The following BAZ2B variants were observed in gnomAD, a reference collection of about 807,000 sequenced individuals.
The protein encoded by BAZ2B is bromodomain adjacent to zinc finger domain protein 2B.
Under a neutral mutation model 246.0 loss-of-function variants are expected in BAZ2B, and 91 were observed. That is an observed-to-expected ratio of 0.37 (90% CI 0.31 to 0.44). The LOEUF is 0.44. Ranked by LOEUF, BAZ2B falls within the 20% of genes least tolerant of loss-of-function variation. The pLI is 1.00. For missense variants in BAZ2B, 2,332 were observed against 2,533.7 expected (o/e 0.92, Z 1.71); for synonymous variants, 855 against 860.0 (o/e 0.99, Z 0.10).
chr2:159,571,725 G>A (rs1410233403), intron 1 of BAZ2B, among the ~76,000 whole-genome samples: 1 of 152,150 alleles, frequency 6.6e-6, no homozygotes, highest in Non-Finnish European at 1.5e-5. Context: ...TGGAGGCTGG[G>A]AAGTCCAAGA....
intron 31 of BAZ2B, among the ~76,000 whole-genome samples, chr2:159,344,518 G>A (rs1431160339): frequency 7.4e-6 from 1 of 134,600 alleles, no homozygotes; most frequent in Admixed American, 8.2e-5. Context: ...CGGGCAACAA[G>A]AGTGAAACTC....
At chr2:159,384,706 G>A (rs185694072) in intron 23 of BAZ2B, among the ~76,000 whole-genome samples, 2 of 151,872 alleles carry the variant, frequency 1.3e-5, no homozygotes, top group East Asian at 3.9e-4. Context: ...AATACTCTAT[G>A]GTTCTATTAG....
At chr2:159,665,950 T>A in the BAZ2B span, among the ~76,000 whole-genome samples, 3 of 152,206 alleles carry the variant, frequency 2.0e-5, no homozygotes, top group Non-Finnish European at 4.4e-5. Context: ...TTAATTTGCA[T>A]TTCCCTGTTG....
At chr2:159,541,259 C>CTTATTATTATTATTA (rs56310950) in intron 2 of BAZ2B, among the ~76,000 whole-genome samples, 1 of 148,252 alleles carries the variant, frequency 6.7e-6, no homozygotes, top group Non-Finnish European at 1.5e-5. Flanking sequence ...AACAAAAGCC[C>CTTATTATTATTATTA]TTATTATTAT....
At chr2:159,324,019 A>T (rs1416727620) in intron 36 of BAZ2B, among the ~76,000 whole-genome samples, 1 of 152,206 alleles carries the variant, frequency 6.6e-6, no homozygotes, top group Middle Eastern at 3.2e-3. Flanking sequence ...TGGTCAATCT[A>T]GTAAATCAGT....
intron 2 of BAZ2B, among the ~76,000 whole-genome samples, chr2:159,536,536 A>G (rs1193022995): frequency 2.0e-5 from 3 of 152,232 alleles, no homozygotes; most frequent in Admixed American, 6.5e-5. Flanking sequence ...AGAGTGTTCA[A>G]TCCCTGTGTC....
intron 31 of BAZ2B, among the ~76,000 whole-genome samples, chr2:159,344,138 GA>G (rs1346496273): frequency 6.6e-6 from 1 of 151,952 alleles, no homozygotes; most frequent in Non-Finnish European, 1.5e-5. Context: ...CAGCCACTAT[GA>G]AGAACAGTAT....
chr2:159,587,118 G>A (rs1156481101), intron 1 of BAZ2B, among the ~76,000 whole-genome samples: 3 of 150,444 alleles, frequency 2.0e-5, no homozygotes, highest in African/African-American at 7.4e-5. Context: ...TGGCTCTGTA[G>A]CCCAGGCTGG....
chr2:159,626,001 CA>C, the BAZ2B span, among the ~76,000 whole-genome samples: 119 of 139,166 alleles, frequency 8.6e-4, no homozygotes, highest in East Asian at 1.1e-3. Flanking sequence ...AAATGGAAAG[CA>C]AAAAAAAAAA....
intron 2 of BAZ2B, among the ~76,000 whole-genome samples, chr2:159,518,235 G>A (rs1321559418): frequency 6.6e-6 from 1 of 152,164 alleles, no homozygotes; most frequent in Non-Finnish European, 1.5e-5. Flanking sequence ...CACTGAAGGT[G>A]GTTTTTATCA....
In BAZ2B at chr2:159,319,249, C is replaced by T. The variant is rs1056475478; in HGVS notation, c.*1016G>A. On this transcript the variant is annotated 3_prime_UTR_variant, in exon 37 of 37. Transcript: ENST00000392783. The surrounding 1 kb of genome is among the most constrained non-coding windows in gnomAD (Gnocchi z 4.0). ...TGTTTCTATGAAAAAATACTGTGTG[C>T]GTAGGAAATTGTCACAATTTTATTC... 7 of 152,510 alleles carry T rather than the reference C, an allele frequency of 4.6e-5. No individual in the cohort carries two copies. Among genetic ancestry groups the T allele is most frequent in the African/African-American group, 1.2e-4 (5 of 41,412 alleles). 9.4% of individuals were successfully genotyped at this position (152,510 alleles called of 1,614,324 possible). A position where few individuals can be genotyped will look rare whatever the true frequency, so the allele number is the denominator to read the frequency against.
intron 27 of BAZ2B, among the ~76,000 whole-genome samples, chr2:159,354,023 T>C (rs927393288): frequency 3.9e-5 from 6 of 152,248 alleles, no homozygotes; most frequent in African/African-American, 1.4e-4. Flanking sequence ...AAACAAGACA[T>C]ATACTTTTAC....
chr2:159,678,495 A>G, the BAZ2B span, among the ~76,000 whole-genome samples: 1 of 152,176 alleles, frequency 6.6e-6, no homozygotes, highest in Non-Finnish European at 1.5e-5. Flanking sequence ...CAGCACAGTT[A>G]CAACCTGTAC....
intron 25 of BAZ2B, among the ~76,000 whole-genome samples, chr2:159,380,459 C>CTT (rs909867838): frequency 1.3e-5 from 2 of 152,172 alleles, no homozygotes; most frequent in Non-Finnish European, 2.9e-5. Context: ...TATCACTCTC[C>CTT]TTTTTGCAAT....
At chr2:159,408,183 T>C (rs567103414) in intron 14 of BAZ2B, among the ~76,000 whole-genome samples, 1 of 152,286 alleles carries the variant, frequency 6.6e-6, no homozygotes, top group East Asian at 1.9e-4. Context: ...ACAGTAATTT[T>C]TGTTTATTTG....
At chr2:159,395,884 T>C in intron 19 of BAZ2B, 50 bp from the exon 20 acceptor site, 2 of 1,500,890 alleles carry the variant, frequency 1.3e-6, no homozygotes, top group Non-Finnish European at 1.8e-6. Context: ...AATTAACAGT[T>C]TGATTTTCCA....
intron 27 of BAZ2B, among the ~76,000 whole-genome samples, chr2:159,353,780 C>T: frequency 6.6e-6 from 1 of 152,150 alleles, no homozygotes; most frequent in Non-Finnish European, 1.5e-5. Context: ...AAGGATCTTG[C>T]TTTAGGAGCA....
chr2:159,604,730 T>C (rs1187110784), intron 1 of BAZ2B, among the ~76,000 whole-genome samples: 1 of 152,136 alleles, frequency 6.6e-6, no homozygotes, highest in South Asian at 2.1e-4. Context: ...AAATATGGTA[T>C]AGATAAATGT....
chr2:159,405,452 T>A (rs555788551), intron 14 of BAZ2B, among the ~76,000 whole-genome samples: 2 of 152,188 alleles, frequency 1.3e-5, no homozygotes, highest in Admixed American at 1.3e-4. Flanking sequence ...CCTCATGATC[T>A]GCCCCGCCTC....
Sources: allele counts gnomAD v4.1 joint callset (sites outside exome capture counted in the v4.1 genomes callset), GRCh38; gene constraint gnomAD v4.1.1; non-coding constraint Gnocchi (gnomAD v3.1); transcripts MANE v1.5; gene names NCBI Gene and HGNC (gene_info 2026-07-23, HGNC 2026-07-21).